Variants in MRPS28 observed in about 807,000 individuals in gnomAD.
MRPS28 encodes the protein small ribosomal subunit protein bS1m.
In MRPS28, 7 loss-of-function variants were observed where a neutral mutation model predicts 10.8. That is an observed-to-expected ratio of 0.65 (90% CI 0.37 to 1.22). MRPS28 has a LOEUF of 1.22. Ranked by LOEUF, MRPS28 falls within the 50% of genes most tolerant of loss-of-function variation. The pLI, the probability that MRPS28 is intolerant of heterozygous loss-of-function variation, is 0.02. For missense variants in MRPS28, 265 were observed against 232.9 expected (o/e 1.14, Z -0.90); for synonymous variants, 121 against 93.3 (o/e 1.30, Z -1.71).
At chr8:80,018,907 C>T (rs933500685) in intron 1 of MRPS28, among the ~76,000 whole-genome samples, 1 of 152,158 alleles carries the variant, frequency 6.6e-6, no homozygotes, top group African/African-American at 2.4e-5. Context: ...GAAAGACAAA[C>T]TTTACATGTT....
At chr8:80,005,835 C>T (rs1176564932) in intron 1 of MRPS28, among the ~76,000 whole-genome samples, 2 of 152,146 alleles carry the variant, frequency 1.3e-5, no homozygotes, top group Admixed American at 1.3e-4. Flanking sequence ...GGTTGCAATC[C>T]TAGTCTCTGA....
intron 1 of MRPS28, among the ~76,000 whole-genome samples, chr8:80,024,863 A>C (rs977422619): frequency 1.3e-5 from 2 of 152,224 alleles, no homozygotes; most frequent in Non-Finnish European, 2.9e-5. Context: ...TTACTATGAG[A>C]GCTGTGGGTA....
intron 2 of MRPS28, among the ~76,000 whole-genome samples, chr8:79,975,362 C>G (rs763135706): frequency 6.6e-6 from 1 of 152,062 alleles, no homozygotes; most frequent in African/African-American, 2.4e-5. Flanking sequence ...GAAACACAGA[C>G]CACTACTTTT....
chr8:79,926,993 A>G (rs1810249391), intron 2 of MRPS28, among the ~76,000 whole-genome samples: 1 of 152,076 alleles, frequency 6.6e-6, no homozygotes, highest in Admixed American at 6.5e-5. Flanking sequence ...CTATTCTCCA[A>G]ATGGTTTGTG....
chr8:79,998,813 CTAT>C (rs1207573468), intron 2 of MRPS28, among the ~76,000 whole-genome samples: 6 of 152,118 alleles, frequency 3.9e-5, no homozygotes, highest in Non-Finnish European at 8.8e-5. Context: ...ACTTAAAAGG[CTAT>C]TATTTAGCTA....
intron 2 of MRPS28, among the ~76,000 whole-genome samples, chr8:80,000,437 T>G (rs896960058): frequency 3.9e-5 from 6 of 152,184 alleles, no homozygotes; most frequent in African/African-American, 1.4e-4. Context: ...CTCCAAAGAC[T>G]AGAGAATTTA....
intron 2 of MRPS28, among the ~76,000 whole-genome samples, chr8:79,938,476 C>T (rs1427055507): frequency 1.8e-4 from 27 of 148,040 alleles, no homozygotes; most frequent in Non-Finnish European, 2.2e-4. Context: ...AGTAGAAAAA[C>T]TGAATGTTAA....
intron 1 of MRPS28, 24 bp downstream of exon 1, chr8:80,030,012 C>A (rs1482516311): frequency 1.2e-6 from 2 of 1,608,858 alleles, no homozygotes; most frequent in African/African-American, 2.7e-5. Flanking sequence ...TCCCGCGACT[C>A]CCTCTCACCC....
chr8:79,958,168 C>A, intron 2 of MRPS28: 1 of 498,248 alleles, frequency 2.0e-6, no homozygotes, highest in South Asian at 3.2e-5. Context: ...CTCTCCCCCT[C>A]CCCTATTCTA....
intron 2 of MRPS28, among the ~76,000 whole-genome samples, chr8:79,992,354 T>C (rs10098883): frequency 0.59 from 89,007 of 152,086 alleles, 28,688 homozygotes; most frequent in East Asian, 0.79. Flanking sequence ...CTCATGCCAT[T>C]TTCCCCAGAG....
chr8:79,939,622 A>G (rs1376657880), intron 2 of MRPS28, among the ~76,000 whole-genome samples: 2 of 152,172 alleles, frequency 1.3e-5, no homozygotes, highest in Non-Finnish European at 2.9e-5. Flanking sequence ...CATGGTTTTT[A>G]GAAGAAAACC....
At position 79,955,592 on chromosome 8, in the gene MRPS28, C is replaced by T. The variant is rs78594582; in HGVS notation, c.396-36444G>A. On this transcript the variant is annotated intron_variant, in intron 2 of 2. Coordinates refer to ENST00000276585, the MANE Select transcript of MRPS28 (RefSeq NM_014018.3). ...AACAGTCTCAAGATTCTTCCAGCTT[C>T]CATCCACTACCTGGATGGAAGCCAG... 5.1e-4 allele frequency among the ~76,000 whole-genome samples: 77 copies of T among 152,248 alleles called. No homozygotes were observed. In the East Asian group the frequency reaches 0.014, roughly 28 times the overall value.
intron 2 of MRPS28, among the ~76,000 whole-genome samples, chr8:79,932,855 T>A (rs1447672266): frequency 6.6e-6 from 1 of 152,048 alleles, no homozygotes; most frequent in African/African-American, 2.4e-5. Flanking sequence ...CATGGTAGAG[T>A]CAAGCTTTGC....
intron 2 of MRPS28, among the ~76,000 whole-genome samples, chr8:79,953,188 T>C (rs547117458): frequency 6.6e-6 from 1 of 152,288 alleles, no homozygotes; most frequent in Non-Finnish European, 1.5e-5. Flanking sequence ...GTTTTCTCTC[T>C]TTTTTAAAAA....
At chr8:80,010,110 G>A (rs1306985580) in intron 1 of MRPS28, among the ~76,000 whole-genome samples, 3 of 152,126 alleles carry the variant, frequency 2.0e-5, no homozygotes, top group Non-Finnish European at 4.4e-5. Flanking sequence ...CTTGAGGTAT[G>A]ACTAATTATT....
intron 2 of MRPS28, among the ~76,000 whole-genome samples, chr8:79,934,798 AGTGG>A (rs1484759738): frequency 2.6e-5 from 4 of 152,244 alleles, no homozygotes; most frequent in Non-Finnish European, 5.9e-5. Flanking sequence ...TAAATGAACA[AGTGG>A]GTTAAGAAAC....
intron 2 of MRPS28, among the ~76,000 whole-genome samples, chr8:79,980,855 A>T (rs1293076782): frequency 6.6e-6 from 1 of 152,226 alleles, no homozygotes; most frequent in Non-Finnish European, 1.5e-5. Context: ...ACAATTTAAA[A>T]CATTAGGAAG....
chr8:80,021,060 T>C (rs1228780938), intron 1 of MRPS28, among the ~76,000 whole-genome samples: 1 of 151,692 alleles, frequency 6.6e-6, no homozygotes, highest in African/African-American at 2.4e-5. Flanking sequence ...TGGAGTGCAG[T>C]GGCACAATCT....
chr8:79,938,656 T>C (rs1806675465), intron 2 of MRPS28, among the ~76,000 whole-genome samples: 1 of 152,190 alleles, frequency 6.6e-6, no homozygotes, highest in African/African-American at 2.4e-5. Context: ...GCAAAGTGCA[T>C]CTGTTTAGAC....
Sources: allele counts gnomAD v4.1 joint callset (sites outside exome capture counted in the v4.1 genomes callset), GRCh38; gene constraint gnomAD v4.1.1; transcripts MANE v1.5; gene names NCBI Gene and HGNC (gene_info 2026-07-23, HGNC 2026-07-21).